PIAS2: variants seen among roughly 807,000 people sequenced by gnomAD.
The protein encoded by PIAS2 is protein inhibitor of activated STAT 2.
PIAS2 carries 19 observed loss-of-function variants against 69.7 expected under a neutral mutation model. The observed-to-expected ratio is 0.27, with a 90% CI of 0.19 to 0.40. PIAS2 has a LOEUF of 0.40. Ranked by LOEUF, PIAS2 falls within the 10% of genes least tolerant of loss-of-function variation. The pLI, the probability that PIAS2 is intolerant of heterozygous loss-of-function variation, is 1.00. For synonymous variants in PIAS2, 261 were observed against 263.2 expected, an observed-to-expected ratio of 0.99 and a Z score of 0.08; for missense variants, 624 against 757.0, an observed-to-expected ratio of 0.82 and a Z score of 2.06.
At chr18:46,820,680 T>C (rs1347026098) in intron 12 of PIAS2, among the ~76,000 whole-genome samples, 1 of 152,110 alleles carries the variant, frequency 6.6e-6, no homozygotes, top group African/African-American at 2.4e-5. Context: ...TACAAATTCT[T>C]CAAAAGGAAG....
chr18:46,835,629 C>T (rs1009348937), intron 9 of PIAS2, among the ~76,000 whole-genome samples: 9 of 152,138 alleles, frequency 5.9e-5, no homozygotes, highest in Middle Eastern at 3.4e-3. Flanking sequence ...CTTTAAAACT[C>T]TAGGATACTT....
chr18:46,886,326 AT>A (rs1255271411), intron 2 of PIAS2, among the ~76,000 whole-genome samples: 2 of 152,164 alleles, frequency 1.3e-5, no homozygotes, highest in Non-Finnish European at 2.9e-5. Context: ...AGGAAAAAAA[AT>A]TTTTTTAAGT....
intron 2 of PIAS2, among the ~76,000 whole-genome samples, chr18:46,872,846 G>A (rs896909568): frequency 4.6e-5 from 7 of 152,198 alleles, no homozygotes; most frequent in Non-Finnish European, 1.0e-4. Flanking sequence ...GGAAAAGCCT[G>A]ACTTTCTCCT....
At chr18:46,883,041 T>C (rs1243942356) in intron 2 of PIAS2, among the ~76,000 whole-genome samples, 1 of 149,012 alleles carries the variant, frequency 6.7e-6, no homozygotes, top group Non-Finnish European at 1.5e-5. Flanking sequence ...GAGGTTGCAG[T>C]GAGCCAAGAT....
upstream of PIAS2, among the ~76,000 whole-genome samples, chr18:46,918,207 C>T (rs1186391497): frequency 1.3e-5 from 2 of 152,176 alleles, no homozygotes; most frequent in Non-Finnish European, 2.9e-5. Flanking sequence ...GATGGCCCCC[C>T]CGTAATGTGC....
intron 1 of PIAS2, among the ~76,000 whole-genome samples, chr18:46,896,165 C>CAAAAAAAAAAAAAAAAAAAAAA (rs1199712335): frequency 3.1e-5 from 1 of 31,928 alleles, no homozygotes; most frequent in Non-Finnish European, 6.2e-5. Flanking sequence ...AAGAAAAAAG[C>CAAAAAAAAAAAAAAAAAAAAAA]AAAAAAAAAA....
chr18:46,886,837 C>T (rs915678064), intron 2 of PIAS2, among the ~76,000 whole-genome samples: 9 of 151,344 alleles, frequency 5.9e-5, no homozygotes, highest in African/African-American at 1.7e-4. Context: ...GACTCTGTCC[C>T]CCCCCTCCAA....
At chr18:46,871,776 T>C (rs554534718) in intron 2 of PIAS2, among the ~76,000 whole-genome samples, 35 of 152,286 alleles carry the variant, frequency 2.3e-4, no homozygotes, top group Middle Eastern at 3.4e-3. Flanking sequence ...AGGTCAAATA[T>C]AAAAATTGAT....
intron 3 of PIAS2, among the ~76,000 whole-genome samples, chr18:46,862,423 CAA>C (rs563837954): frequency 7.6e-4 from 115 of 152,270 alleles, no homozygotes; most frequent in African/African-American, 2.3e-3. Flanking sequence ...ACTATCATCT[CAA>C]AGAGTGTTCT....
intron 8 of PIAS2, among the ~76,000 whole-genome samples, chr18:46,838,507 C>T (rs2044789780): frequency 1.3e-5 from 2 of 152,070 alleles, no homozygotes; most frequent in African/African-American, 4.8e-5. Context: ...AAGGGAGCCT[C>T]GAAATTACTG....
chr18:46,899,223 G>C (rs953941039), intron 1 of PIAS2, among the ~76,000 whole-genome samples: 5 of 152,104 alleles, frequency 3.3e-5, no homozygotes, highest in Admixed American at 3.3e-4. Flanking sequence ...AAAAACAAAG[G>C]AGGAAGGGAC....
At position 46,887,803 on chromosome 18, in the gene PIAS2, C is replaced by G. The variant is rs891539536; in HGVS notation, c.499+2777G>C. Among the ~76,000 whole-genome samples, 20 of 152,198 alleles carry G rather than the reference C, an allele frequency of 1.3e-4. No homozygotes were observed. The East Asian group carries it at 3.7e-3, about 28-fold the overall frequency. On this transcript the variant is annotated intron_variant, in intron 2 of 13. Transcript: ENST00000585916. ...TCAATAAATAAGATTTGTATCTATT[C>G]CCATTCACACGGAAGCAATCTGATT...
intron 1 of PIAS2, among the ~76,000 whole-genome samples, chr18:46,904,523 G>A (rs1426307668): frequency 6.6e-6 from 1 of 152,046 alleles, no homozygotes; most frequent in Non-Finnish European, 1.5e-5. Context: ...GGCCCAGGTG[G>A]GCAGATCACC....
At chr18:46,868,780 G>A (rs1030225093) in intron 2 of PIAS2, among the ~76,000 whole-genome samples, 2 of 152,140 alleles carry the variant, frequency 1.3e-5, no homozygotes, top group South Asian at 2.1e-4. Context: ...TAACAACTTG[G>A]GGGCTCATCC....
intron 5 of PIAS2, among the ~76,000 whole-genome samples, chr18:46,852,414 C>T (rs1028151784): frequency 1.3e-5 from 2 of 152,198 alleles, no homozygotes; most frequent in Non-Finnish European, 2.9e-5. Flanking sequence ...TCTCTCAATG[C>T]TCTATTTCTT....
At chr18:46,859,427 CAAAAAAAAAAA>C (rs55776913) in intron 3 of PIAS2, among the ~76,000 whole-genome samples, 372 of 89,588 alleles carry the variant, frequency 4.2e-3, no homozygotes, top group Non-Finnish European at 5.7e-3. Context: ...GACTCCGTCT[CAAAAAAAAAAA>C]AAAAAAAAAA....
Position 46,851,333 on chromosome 18 carries a change from A to C in PIAS2, c.726+4012T>G, listed in dbSNP as rs546418120. On this transcript the variant is annotated intron_variant, in intron 5 of 13. Transcript: ENST00000585916. ...ATCTTTAAAAGAAATATTCTTGTCA[A>C]CCCTTCTTCCTTTCTTCAACCTTAG... Among the ~76,000 whole-genome samples the C allele has an allele frequency of 1.2e-4, 19 of 152,260 alleles. No individual in the cohort carries two copies. In the East Asian group the frequency reaches 3.5e-3, roughly 28 times the overall value.
At chr18:46,817,081 C>A (rs2041640778) in intron 12 of PIAS2, 1 of 942,296 alleles carries the variant, frequency 1.1e-6, no homozygotes, top group East Asian at 1.2e-4. Context: ...AATGGTATAA[C>A]CGTTTTCTTT....
intron 2 of PIAS2, among the ~76,000 whole-genome samples, chr18:46,877,826 G>A (rs574177158): frequency 5.3e-5 from 8 of 152,154 alleles, no homozygotes; most frequent in African/African-American, 1.2e-4. Flanking sequence ...GAAATCCTTC[G>A]TTTGAGTACT....
Sources: gnomAD v4.1 joint callset for allele counts (sites outside exome capture counted in the v4.1 genomes callset) on GRCh38, gnomAD v4.1.1 for gene constraint, MANE v1.5 for transcripts, NCBI Gene and HGNC (gene_info 2026-07-23, HGNC 2026-07-21) for gene names.